MSH3: variants seen among roughly 807,000 people sequenced by gnomAD.
MSH3 encodes DNA mismatch repair protein Msh3.
A neutral mutation model predicts 123.3 loss-of-function variants in MSH3; 106 were observed. That is an observed-to-expected ratio of 0.86 (90% CI 0.73 to 1.01). The LOEUF is 1.01. Ranked by LOEUF, MSH3 falls within the 50% of genes least tolerant of loss-of-function variation. MSH3 has a pLI of 0.00. For missense variants in MSH3, 1,459 were observed against 1,347.6 expected (o/e 1.08, Z -1.29); for synonymous variants, 515 against 481.4 (o/e 1.07, Z -0.91).
chr5:80,658,258 C>T (rs1749339424), intron 2 of MSH3, among the ~76,000 whole-genome samples: 1 of 84,138 alleles, frequency 1.2e-5, no homozygotes, highest in Non-Finnish European at 2.7e-5. Flanking sequence ...AGAGTTTTGC[C>T]ATGTTGGCTA....
intron 12 of MSH3, among the ~76,000 whole-genome samples, chr5:80,751,889 C>G (rs985468309): frequency 2.0e-5 from 3 of 152,098 alleles, no homozygotes; most frequent in Non-Finnish European, 4.4e-5. Context: ...TTATACCCAT[C>G]TCTTTACTAG....
chr5:80,729,904 C>T (rs1268718226), intron 10 of MSH3, among the ~76,000 whole-genome samples: 1 of 152,062 alleles, frequency 6.6e-6, no homozygotes, highest in East Asian at 1.9e-4. Flanking sequence ...TCCCATTCTG[C>T]ACAAGTGGGA....
At position 80,654,907 on chromosome 5, in the gene MSH3, CG is replaced by C; in HGVS notation, c.181del (p.Ala61GlnfsTer19). On this transcript the variant is annotated frameshift_variant, in exon 1 of 24. Coordinates refer to ENST00000265081, the MANE Select transcript of MSH3 (RefSeq NM_002439.5). LOFTEE classifies it high-confidence loss of function. ...CAGCGGCTGCAGCGGCCGCAGCGGCCGCAGCGCCCCCAGCGCCCCCAGCTCC... is the reference window on the plus strand; with the variant it reads ...CAGCGGCTGCAGCGGCCGCAGCGGCCCAGCGCCCCCAGCGCCCCCAGCTCC... ...AAAAAAAAAAAAPPAPPAPAF... is the reference protein window; with the variant it reads ...AAAAAAAAAAXAPPAPPAPAF... 2 of 1,538,364 alleles carry C rather than the reference CG, an allele frequency of 1.3e-6. No individual in the cohort carries two copies. Among genetic ancestry groups the C allele is most frequent in the Non-Finnish European group, 1.7e-6 (2 of 1,148,146 alleles).
At chr5:80,861,898 T>C (rs900434022) in intron 21 of MSH3, among the ~76,000 whole-genome samples, 2 of 152,174 alleles carry the variant, frequency 1.3e-5, no homozygotes, top group Non-Finnish European at 2.9e-5. Flanking sequence ...CTTACAGATC[T>C]AAAGAGTTGA....
intron 8 of MSH3, among the ~76,000 whole-genome samples, chr5:80,720,382 T>C (rs968329045): frequency 2.6e-5 from 4 of 152,172 alleles, no homozygotes; most frequent in African/African-American, 9.7e-5. Context: ...TTTTAGGTCT[T>C]CTTTGCCAAC....
At chr5:80,714,700 A>T (rs1750923015) in intron 8 of MSH3, among the ~76,000 whole-genome samples, 1 of 152,184 alleles carries the variant, frequency 6.6e-6, no homozygotes, top group South Asian at 2.1e-4. Context: ...TTATCAAACA[A>T]AATTTTAATT....
chr5:80,832,783 ACTG>A (rs1428612697), intron 20 of MSH3, among the ~76,000 whole-genome samples: 22 of 151,950 alleles, frequency 1.4e-4, no homozygotes, highest in Non-Finnish European at 2.5e-4. Context: ...GTCCAATAAT[ACTG>A]TTGTAATAGG....
At chr5:80,736,400 G>A (rs1002467808) in intron 10 of MSH3, among the ~76,000 whole-genome samples, 5 of 152,006 alleles carry the variant, frequency 3.3e-5, no homozygotes, top group East Asian at 1.9e-4. Context: ...GGACTGAAGC[G>A]TAAACTTGAA....
In MSH3 at chr5:80,772,270, A is replaced by T. The variant is rs542798205; in HGVS notation, c.2253+3267A>T. ...CCAAATACCTGTTTACTGGTTTAAA[A>T]TGTGGAAAATAATCTGTTACATCTG... is the stretch of plus-strand genomic sequence containing the variant. On this transcript the variant is annotated intron_variant, in intron 15 of 23. Transcript: ENST00000265081. Among the ~76,000 whole-genome samples the T allele has an allele frequency of 3.9e-5, 6 of 152,316 alleles. No homozygotes were observed. In the East Asian group the frequency reaches 1.2e-3, roughly 29 times the overall value.
intron 23 of MSH3, among the ~76,000 whole-genome samples, chr5:80,875,251 G>A (rs1418575124): frequency 6.6e-6 from 1 of 152,004 alleles, no homozygotes; most frequent in East Asian, 1.9e-4. Flanking sequence ...TGGTGGAGCA[G>A]TAATTGGAAC....
intron 8 of MSH3, among the ~76,000 whole-genome samples, chr5:80,696,192 TC>T (rs1750475345): frequency 1.3e-5 from 2 of 152,152 alleles, no homozygotes; most frequent in Non-Finnish European, 2.9e-5. Flanking sequence ...GGAAGTCCAG[TC>T]TCTGTCTGGT....
At chr5:80,749,880 C>T (rs1287388280) in intron 12 of MSH3, among the ~76,000 whole-genome samples, 8 of 152,146 alleles carry the variant, frequency 5.3e-5, no homozygotes, top group Non-Finnish European at 1.0e-4. Context: ...ACCCTCTCCC[C>T]TAGCCTCTGA....
chr5:80,846,438 A>G (rs1745722766), intron 20 of MSH3, among the ~76,000 whole-genome samples: 6 of 151,950 alleles, frequency 3.9e-5, no homozygotes, highest in Admixed American at 3.9e-4. Context: ...CTGTCTTCAT[A>G]GTTGTCAGAC....
chr5:80,729,441 T>A (rs1404027042), intron 10 of MSH3, among the ~76,000 whole-genome samples: 3 of 133,840 alleles, frequency 2.2e-5, no homozygotes, highest in East Asian at 2.2e-4. Context: ...TGTGTGTGTG[T>A]GTGTGTGTGT....
At chr5:80,856,949 G>A (rs936599477) in intron 21 of MSH3, among the ~76,000 whole-genome samples, 2 of 152,060 alleles carry the variant, frequency 1.3e-5, no homozygotes. Flanking sequence ...TGAAAAAGCA[G>A]TAAGAAAGGA....
chr5:80,655,767 C>A (rs1375466122), intron 1 of MSH3, among the ~76,000 whole-genome samples: 1 of 152,076 alleles, frequency 6.6e-6, no homozygotes, highest in South Asian at 2.1e-4. Flanking sequence ...TTGTTCCTTT[C>A]GTATATATTT....
intron 8 of MSH3, among the ~76,000 whole-genome samples, chr5:80,695,463 T>C (rs1020925243): frequency 6.6e-6 from 1 of 152,144 alleles, no homozygotes; most frequent in African/African-American, 2.4e-5. Flanking sequence ...GCCTCCCTAG[T>C]AGCTGGTATT....
In MSH3 at chr5:80,654,877, C is replaced by CGCG; in HGVS notation, c.152_153insGGC (p.Ala62dup). The stretch of plus-strand genomic sequence containing the variant: ...GTGCAGCCGACCAGGTGGACCCTGG[C>CGCG]GCTGCAGCGGCTGCAGCGGCCGCAG... On this transcript the variant is annotated inframe_insertion, in exon 1 of 24. Coordinates refer to ENST00000265081, the MANE Select transcript of MSH3 (RefSeq NM_002439.5). 19 of 1,500,142 alleles carry CGCG rather than the reference C, an allele frequency of 1.3e-5. No homozygotes were observed. The highest frequency in any genetic ancestry group is 1.7e-5 in the Non-Finnish European group (19 of 1,099,294). The allele number at this position is 1,500,142 out of a possible 1,614,324, so 92.9% of individuals were successfully genotyped here. A position where few individuals can be genotyped will look rare whatever the true frequency, so the allele number is the denominator to read the frequency against.
intron 21 of MSH3, among the ~76,000 whole-genome samples, chr5:80,861,418 G>A (rs1243774660): frequency 6.6e-6 from 1 of 152,130 alleles, no homozygotes; most frequent in East Asian, 1.9e-4. Context: ...CATATGGAAG[G>A]CTAGAGGAGA....
Sources: gnomAD v4.1 joint callset for allele counts (sites outside exome capture counted in the v4.1 genomes callset) on GRCh38, gnomAD v4.1.1 for gene constraint, MANE v1.5 for transcripts, NCBI Gene and HGNC (gene_info 2026-07-23, HGNC 2026-07-21) for gene names.